The following AGMO variants were observed in gnomAD, a reference collection of about 807,000 sequenced individuals.
The protein encoded by AGMO is alkylglycerol monooxygenase.
A neutral mutation model predicts 60.2 loss-of-function variants in AGMO; 75 were observed. The observed-to-expected ratio is 1.25, with a 90% CI of 1.03 to 1.51. The LOEUF (loss-of-function observed/expected upper bound fraction) is 1.51, where lower values mean the gene tolerates loss of function less well. Among genes scored for constraint, AGMO ranks in the 40% most tolerant of loss-of-function variants. The pLI is 0.00. For synonymous variants in AGMO, 261 were observed against 177.1 expected (o/e 1.47, Z -3.76); for missense variants, 763 against 525.5 (o/e 1.45, Z -4.42).
intron 3 of AGMO, among the ~76,000 whole-genome samples, chr7:15,497,592 A>G (rs1783266609): frequency 6.6e-6 from 1 of 152,036 alleles, no homozygotes; most frequent in South Asian, 2.1e-4. Context: ...AGACTTTTTT[A>G]CTTTGACAAT....
chr7:15,551,041 A>G (rs998265208), intron 2 of AGMO, among the ~76,000 whole-genome samples: 1 of 150,748 alleles, frequency 6.6e-6, no homozygotes, highest in Admixed American at 6.6e-5. Context: ...GTAATCCAGC[A>G]TATAAACAGA....
chr7:15,451,547 G>A (rs1206127016), intron 3 of AGMO, among the ~76,000 whole-genome samples: 1 of 152,028 alleles, frequency 6.6e-6, no homozygotes, highest in Non-Finnish European at 1.5e-5. Context: ...CATGGTGGAC[G>A]AGCAGACAAA....
the AGMO span, among the ~76,000 whole-genome samples, chr7:15,179,630 G>T: frequency 6.6e-6 from 1 of 152,182 alleles, no homozygotes; most frequent in Non-Finnish European, 1.5e-5. Context: ...TTGCACACTT[G>T]TAACTCTACA....
At chr7:15,188,412 T>A in the AGMO span, among the ~76,000 whole-genome samples, 5 of 152,226 alleles carry the variant, frequency 3.3e-5, no homozygotes, top group African/African-American at 1.2e-4. Flanking sequence ...TAAGATTTCA[T>A]GTCCATTATT....
chr7:15,542,368 C>A (rs17168816), intron 3 of AGMO, among the ~76,000 whole-genome samples: 3,488 of 152,242 alleles, frequency 0.023, 130 homozygotes, highest in African/African-American at 0.079. Context: ...GAGAAGCATA[C>A]TTTAAATAGC....
At chr7:15,372,191 G>T (rs112403117) in intron 10 of AGMO, among the ~76,000 whole-genome samples, 14,139 of 151,940 alleles carry the variant, frequency 0.093, 812 homozygotes, top group Non-Finnish European at 0.11. Flanking sequence ...TGGCTCATGC[G>T]TGTAATCCCA....
intron 6 of AGMO, among the ~76,000 whole-genome samples, chr7:15,393,086 A>G (rs2128486117): frequency 6.6e-6 from 1 of 152,356 alleles, no homozygotes; most frequent in South Asian, 2.1e-4. Flanking sequence ...TCGAAGAATT[A>G]AAAGTCGAAC....
intron 12 of AGMO, among the ~76,000 whole-genome samples, chr7:15,354,496 GTATATA>G (rs60044874): frequency 0.11 from 2,013 of 18,524 alleles, 146 homozygotes; most frequent in Non-Finnish European, 0.14. Flanking sequence ...ATACACACGT[GTATATA>G]TATATATATA....
intron 12 of AGMO, among the ~76,000 whole-genome samples, chr7:15,248,117 TGTG>T (rs1782803530): frequency 7.2e-6 from 1 of 139,548 alleles, no homozygotes; most frequent in South Asian, 2.2e-4. Flanking sequence ...CATTAGCTGT[TGTG>T]GTGTAAGACG....
chr7:15,201,422 G>A lies in AGMO; in HGVS notation c.1264-63C>T, dbSNP rs986163175. Reference sequence around the variant, plus strand: ...AGTGAATCAATACTATTGCTCAACTGAATTAAAAATATTTCCCTAGAGGAA... The same window carrying A: ...AGTGAATCAATACTATTGCTCAACTAAATTAAAAATATTTCCCTAGAGGAA... On this transcript the variant is annotated intron_variant, in intron 12 of 12. Transcript: ENST00000342526. 9 of 1,175,080 alleles carry A rather than the reference G, an allele frequency of 7.7e-6. No homozygotes were observed. In the African/African-American group the frequency reaches 1.2e-4, roughly 16 times the overall value. The allele number at this position is 1,175,080 out of a possible 1,614,324, so 72.8% of individuals were successfully genotyped here.
At chr7:15,291,613 C>G (rs75928753) in intron 12 of AGMO, among the ~76,000 whole-genome samples, 1 of 152,088 alleles carries the variant, frequency 6.6e-6, no homozygotes, top group African/African-American at 2.4e-5. Flanking sequence ...CAAAAAAAAA[C>G]TTGTCAACTG....
rs1208117070 is a variant in AGMO, at chr7:15,387,450, C to T, written c.913G>A (p.Gly305Ser). 6.2e-7 allele frequency: 1 copy of T among 1,613,880 alleles called. No homozygotes were observed. Among genetic ancestry groups the T allele is most frequent in the South Asian group, 1.1e-5 (1 of 91,074 alleles). ...AGACCAAGTCTTGGTTTACCTGGAC[C>T]CCATCCCGGTCCCTTAAATATGACA... ...FSVIFKGPGW[G>S]PGKPRLGLSE... is the part of the protein sequence containing the mutation. Residue 305 changes from glycine (G) to serine (S), a missense_variant, in exon 9 of 13, where the codon GGT becomes AGT. By Grantham distance (56) the Gly-to-Ser change is moderately conservative. Coordinates refer to ENST00000342526, the MANE Select transcript of AGMO (RefSeq NM_001004320.2).
At chr7:15,358,349 T>C (rs1332754287) in intron 12 of AGMO, 9 of 457,754 alleles carry the variant, frequency 2.0e-5, no homozygotes, top group Non-Finnish European at 4.1e-5. Flanking sequence ...GTTAATGCTT[T>C]TTCAAAAGAG....
rs533641716 is a variant in AGMO at position 15,282,055 on chromosome 7, A to G, written c.1264-80696T>C. Among the ~76,000 whole-genome samples the G allele has an allele frequency of 6.6e-5, 10 of 152,288 alleles. No individual in the cohort carries two copies. The South Asian group carries it at 2.1e-3, about 32-fold the overall frequency. ...TAAATTCACATCTCCAAGGAAAAAT[A>G]AAGAAATTTTAAAAAACAATAAAAT... On this transcript the variant is annotated intron_variant, in intron 12 of 12. Transcript: ENST00000342526.
chr7:15,346,948 G>A (rs569076602), intron 12 of AGMO, among the ~76,000 whole-genome samples: 65 of 151,740 alleles, frequency 4.3e-4, no homozygotes, highest in African/African-American at 1.5e-3. Flanking sequence ...GTAAATATAG[G>A]CTCCTTTTTT....
intron 3 of AGMO, among the ~76,000 whole-genome samples, chr7:15,504,297 T>G (rs1001699383): frequency 5.9e-5 from 9 of 151,932 alleles, no homozygotes; most frequent in African/African-American, 2.2e-4. Context: ...TTTATAAAGA[T>G]AAATGTGAGG....
chr7:15,329,269 G>A (rs1035507403), intron 12 of AGMO, among the ~76,000 whole-genome samples: 11 of 152,252 alleles, frequency 7.2e-5, no homozygotes, highest in Admixed American at 3.3e-4. Context: ...GACAATTCTT[G>A]ACACATAGTT....
intron 12 of AGMO, among the ~76,000 whole-genome samples, chr7:15,354,475 C>T (rs1414472806): frequency 3.9e-4 from 6 of 15,194 alleles, no homozygotes; most frequent in African/African-American, 1.3e-3. Flanking sequence ...TGTGTATACA[C>T]ACGTGTGTAT....
intron 12 of AGMO, among the ~76,000 whole-genome samples, chr7:15,265,617 A>G (rs571487223): frequency 1.2e-4 from 18 of 152,216 alleles, no homozygotes; most frequent in African/African-American, 4.3e-4. Context: ...CAATTAAAAA[A>G]AAAATGTTAA....
Sources: gnomAD v4.1 joint callset for allele counts (sites outside exome capture counted in the v4.1 genomes callset) on GRCh38, gnomAD v4.1.1 for gene constraint, MANE v1.5 for transcripts, NCBI Gene and HGNC (gene_info 2026-07-23, HGNC 2026-07-21) for gene names.